SHPRH: variants seen among roughly 807,000 people sequenced by gnomAD.
The protein encoded by SHPRH is E3 ubiquitin-protein ligase SHPRH.
Under a neutral mutation model 202.5 loss-of-function variants are expected in SHPRH, and 106 were observed. The observed-to-expected ratio is 0.52, with a 90% CI of 0.45 to 0.62. The LOEUF is 0.62. Among genes scored for constraint, SHPRH ranks in the 20% least tolerant of loss-of-function variants. SHPRH has a pLI of 0.00. For synonymous variants in SHPRH, 729 were observed against 686.0 expected (o/e 1.06, Z -0.98); for missense variants, 1,710 against 2,020.0 (o/e 0.85, Z 2.94).
Position 145,945,602 on chromosome 6 carries a change from T to C in SHPRH, c.1357A>G (p.Met453Val). The part of the protein sequence containing the change: ...RVMILTAVKE[M>V]NGKKGVSILS... ...ATGGACACTCCTTTTTTTCCATTCATTTCTTTCACAGCTGTCAGTATCATC... is the reference window on the plus strand; with the variant it reads ...ATGGACACTCCTTTTTTTCCATTCACTTCTTTCACAGCTGTCAGTATCATC... The change falls in exon 8 of 30, where the codon ATG becomes GTG. Residue 453 changes from methionine to valine, a missense_variant. Coordinates refer to ENST00000275233, the MANE Select transcript of SHPRH (RefSeq NM_001042683.3). 1 of 1,612,352 alleles carries C rather than the reference T, an allele frequency of 6.2e-7. No homozygotes were observed. Among genetic ancestry groups the C allele is most frequent in the Non-Finnish European group, 8.5e-7 (1 of 1,179,342 alleles).
intron 11 of SHPRH, among the ~76,000 whole-genome samples, chr6:145,939,524 A>C (rs976231591): frequency 2.6e-5 from 4 of 152,098 alleles, no homozygotes; most frequent in African/African-American, 9.7e-5. Context: ...TATTGCTCAT[A>C]CTCTCTCAAC....
downstream of SHPRH, among the ~76,000 whole-genome samples, chr6:145,862,263 C>G (rs1277961603): frequency 6.6e-6 from 1 of 151,622 alleles, no homozygotes; most frequent in Non-Finnish European, 1.5e-5. Flanking sequence ...AGATTGAGAC[C>G]ATGGTGAAAC....
intron 17 of SHPRH, 139 bp downstream of exon 17, chr6:145,924,600 T>C (rs1410995270): frequency 3.3e-6 from 2 of 599,532 alleles, no homozygotes; most frequent in Non-Finnish European, 5.9e-6. Context: ...AATAAACTTG[T>C]ATTGTGGGTC....
chr6:145,951,004 C>T (rs1447599298), intron 3 of SHPRH, among the ~76,000 whole-genome samples: 3 of 152,084 alleles, frequency 2.0e-5, no homozygotes, highest in African/African-American at 7.2e-5. Flanking sequence ...CATAACTGTT[C>T]TATGCCCAAT....
At chr6:145,921,515 G>T in intron 20 of SHPRH, 123 bp from the exon 21 acceptor site, 4 of 898,716 alleles carry the variant, frequency 4.5e-6, no homozygotes, top group South Asian at 1.9e-5. Context: ...CCTTGAAAAA[G>T]CTGAAAACAT....
intron 17 of SHPRH, 127 bp from the exon 18 acceptor site, chr6:145,923,912 C>A: frequency 1.1e-6 from 1 of 897,986 alleles, no homozygotes; most frequent in East Asian, 2.7e-5. Context: ...GGGACTATCA[C>A]AGAGGGGAGA....
intron 13 of SHPRH, among the ~76,000 whole-genome samples, chr6:145,934,097 G>T (rs1297786628): frequency 6.6e-6 from 1 of 152,142 alleles, no homozygotes; most frequent in Non-Finnish European, 1.5e-5. Context: ...CCAACAGTTT[G>T]AGAGGGTGAG....
downstream of SHPRH, chr6:145,862,706 G>A (rs2083149763): frequency 2.6e-5 from 4 of 152,256 alleles, no homozygotes; most frequent in Non-Finnish European, 5.9e-5. Context: ...CTGTCAAACT[G>A]TTCTGAATGT....
chr6:145,897,903 T>C (rs371307708), intron 25 of SHPRH, among the ~76,000 whole-genome samples: 4 of 152,240 alleles, frequency 2.6e-5, no homozygotes, highest in African/African-American at 4.8e-5. Context: ...GCCTACCAGA[T>C]AGCATCATAT....
intron 2 of SHPRH, among the ~76,000 whole-genome samples, chr6:145,870,546 GC>G (rs1232596454): frequency 6.6e-4 from 100 of 152,274 alleles, no homozygotes; most frequent in African/African-American, 2.3e-3. Flanking sequence ...ACAGGCTTGA[GC>G]CACTGCGCCT....
chr6:145,951,333 A>T (rs1223480447), intron 3 of SHPRH, among the ~76,000 whole-genome samples: 1 of 152,128 alleles, frequency 6.6e-6, no homozygotes, highest in Non-Finnish European at 1.5e-5. Context: ...TTTATAGGAC[A>T]TACCTCATAA....
At chr6:145,926,368 T>C (rs147145789) in intron 15 of SHPRH, 72 bp from the exon 16 acceptor site, 24,718 of 1,264,430 alleles carry the variant, frequency 0.02, 332 homozygotes, top group Non-Finnish European at 0.024. Context: ...AATATTAATA[T>C]GGCACACAGA....
At chr6:145,905,476 C>A (rs563060333) in intron 25 of SHPRH, 21 of 152,162 alleles carry the variant, frequency 1.4e-4, no homozygotes, top group African/African-American at 3.6e-4. Flanking sequence ...CTGACTGCTT[C>A]CAAAACCCCT....
intron 25 of SHPRH, chr6:145,907,509 A>C (rs1430791492): frequency 2.0e-5 from 3 of 152,130 alleles, no homozygotes; most frequent in African/African-American, 7.2e-5. Context: ...TAAAAATAAA[A>C]TTCTCAAATG....
At chr6:145,920,354 G>C (rs932842545) in intron 21 of SHPRH, among the ~76,000 whole-genome samples, 3 of 152,016 alleles carry the variant, frequency 2.0e-5, no homozygotes, top group African/African-American at 7.2e-5. Flanking sequence ...TTCTTCCAAG[G>C]CTTACTGTAA....
At chr6:145,872,584 T>C (rs910980779) in intron 2 of SHPRH, among the ~76,000 whole-genome samples, 3 of 152,156 alleles carry the variant, frequency 2.0e-5, no homozygotes, top group Non-Finnish European at 2.9e-5. Flanking sequence ...TTTAATACTG[T>C]TGGTGGGAGT....
At chr6:145,859,456 C>T (rs752010171), downstream of SHPRH, among the ~76,000 whole-genome samples, 4 of 151,902 alleles carry the variant, frequency 2.6e-5, no homozygotes, top group Non-Finnish European at 4.4e-5. Context: ...TTCAGAATAA[C>T]TTATCCATGT....
chr6:145,943,207 G>C lies in SHPRH; in HGVS notation c.2174C>G (p.Ser725Cys), dbSNP rs1399174116. ...CTCATCCACCCACTGGTGACAGATG[G>C]AACTTGGAGAGATGATCAGAGTTGC... Reference protein sequence around the residue: ...TRATLIISPSSICHQWVDEIN... With the variant: ...TRATLIISPSCICHQWVDEIN... Residue 725 changes from serine to cysteine, a missense_variant, in exon 9 of 30, where the codon TCC becomes TGC. Ser to Cys is a moderately radical substitution (Grantham distance 112, BLOSUM62 -1). This residue lies in a region of SHPRH where 277 missense variants were observed against 363.0 expected (regional missense o/e 0.76). Transcript: ENST00000275233. The C allele has an allele frequency of 1.9e-6, 3 of 1,613,524 alleles. No individual in the cohort carries two copies. Among genetic ancestry groups the C allele is most frequent in the Non-Finnish European group, 2.5e-6 (3 of 1,179,792 alleles).
At chr6:145,941,593 G>A (rs1295279652) in intron 10 of SHPRH, 30 bp downstream of exon 10, 1 of 1,609,790 alleles carries the variant, frequency 6.2e-7, no homozygotes. Context: ...TTCTTCCCCA[G>A]CCCTCAAAAG....
Sources: gnomAD v4.1 joint callset for allele counts (sites outside exome capture counted in the v4.1 genomes callset) on GRCh38, gnomAD v4.1.1 for gene constraint, gnomAD v4.1.1 regional missense constraint, MANE v1.5 for transcripts, NCBI Gene and HGNC (gene_info 2026-07-23, HGNC 2026-07-21) for gene names.